The following ANO3 variants were observed in gnomAD, a reference collection of about 807,000 sequenced individuals.
ANO3 encodes the protein anoctamin 3.
Under a neutral mutation model 144.8 loss-of-function variants are expected in ANO3, and 99 were observed. The ratio of observed to expected loss-of-function variants is 0.68; its 90% confidence interval spans 0.58 to 0.81. The LOEUF (loss-of-function observed/expected upper bound fraction) is 0.81. Among genes scored for constraint, ANO3 ranks in the 30% least tolerant of loss-of-function variants. The pLI is 0.00. For synonymous variants in ANO3, 414 were observed against 392.6 expected (o/e 1.05, Z -0.64); for missense variants, 905 against 1,202.2 (o/e 0.75, Z 3.66).
At chr11:26,468,028 A>C (rs1859660781) in intron 4 of ANO3, among the ~76,000 whole-genome samples, 1 of 151,912 alleles carries the variant, frequency 6.6e-6, no homozygotes, top group Admixed American at 6.6e-5. Context: ...ACAACATTTG[A>C]AGATAATGAG....
At chr11:26,497,446 T>C (rs953954305) in intron 4 of ANO3, among the ~76,000 whole-genome samples, 2 of 152,138 alleles carry the variant, frequency 1.3e-5, no homozygotes, top group Non-Finnish European at 2.9e-5. Flanking sequence ...GAGGTTGTAC[T>C]AATTTACATT....
chr11:26,224,175 A>C (rs1378159434), intron 1 of ANO3, among the ~76,000 whole-genome samples: 1 of 151,994 alleles, frequency 6.6e-6, no homozygotes, highest in African/African-American at 2.4e-5. Flanking sequence ...TCCTCTCGGT[A>C]ACCAAGGATG....
chr11:26,517,744 T>C (rs1031368615), intron 6 of ANO3, among the ~76,000 whole-genome samples: 1 of 152,010 alleles, frequency 6.6e-6, no homozygotes, highest in Non-Finnish European at 1.5e-5. Flanking sequence ...TTCTCAGACC[T>C]GCTAGCATAA....
chr11:26,372,182 A>T (rs1281825785), intron 1 of ANO3, among the ~76,000 whole-genome samples: 1 of 152,160 alleles, frequency 6.6e-6, no homozygotes, highest in Non-Finnish European at 1.5e-5. Flanking sequence ...ATAGTCAATT[A>T]TCATGGGATC....
chr11:26,422,760 T>A (rs1321724984), intron 1 of ANO3, among the ~76,000 whole-genome samples: 1 of 151,894 alleles, frequency 6.6e-6, no homozygotes, highest in Non-Finnish European at 1.5e-5. Context: ...AAACTGAATA[T>A]GCTGTGGGGG....
chr11:26,453,503 AG>A (rs1431074298), intron 3 of ANO3, among the ~76,000 whole-genome samples: 5 of 152,202 alleles, frequency 3.3e-5, no homozygotes, highest in Admixed American at 3.3e-4. Context: ...ATAATGGTAA[AG>A]AGATCAATTC....
intron 4 of ANO3, among the ~76,000 whole-genome samples, chr11:26,494,698 CTTTG>C (rs1860855176): frequency 6.6e-6 from 1 of 152,232 alleles, no homozygotes; most frequent in Middle Eastern, 3.4e-3. Context: ...CCAAGGGGAG[CTTTG>C]TTTGCAAAAA....
At chr11:26,457,184 C>T (rs1244348379) in intron 3 of ANO3, among the ~76,000 whole-genome samples, 1 of 150,958 alleles carries the variant, frequency 6.6e-6, no homozygotes, top group Non-Finnish European at 1.5e-5. Context: ...GTGTAACTTA[C>T]CTGCACATTG....
At chr11:26,307,890 C>CGG (rs2133868224), upstream of ANO3, among the ~76,000 whole-genome samples, 2 of 152,118 alleles carry the variant, frequency 1.3e-5, no homozygotes, top group Non-Finnish European at 2.9e-5. Flanking sequence ...ACAGGCTTCT[C>CGG]TAACCCCATT....
chr11:26,308,252 T>C (rs939539054), upstream of ANO3, among the ~76,000 whole-genome samples: 31 of 152,316 alleles, frequency 2.0e-4, no homozygotes, highest in Admixed American at 8.5e-4. Context: ...GATGCACATC[T>C]CCTAATAATT....
chr11:26,212,676 C>G, intron 1 of ANO3, among the ~76,000 whole-genome samples: 1 of 151,956 alleles, frequency 6.6e-6, no homozygotes, highest in Non-Finnish European at 1.5e-5. Flanking sequence ...CAGGACCAGA[C>G]AGATTGACAG....
chr11:26,532,386 C>T lies in ANO3; in HGVS notation c.869+1050C>T, dbSNP rs532383267. Among the ~76,000 whole-genome samples, 13 of 152,110 alleles carry T rather than the reference C, an allele frequency of 8.5e-5. No individual in the cohort carries two copies. The East Asian group carries it at 2.5e-3, about 29-fold the overall frequency. ...GGACCTTTAAGGATCTGTGATACAC[C>T]AAATGAAAAACATTCTACTCTTTTT... On this transcript the variant is annotated intron_variant, in intron 8 of 26. Transcript: ENST00000256737.
intron 8 of ANO3, among the ~76,000 whole-genome samples, chr11:26,531,874 C>G (rs765789368): frequency 3.3e-5 from 5 of 152,120 alleles, no homozygotes; most frequent in Admixed American, 6.6e-5. Flanking sequence ...TGTTTTCATT[C>G]AACTAGTATT....
chr11:26,417,222 T>A (rs979178413), intron 1 of ANO3, among the ~76,000 whole-genome samples: 2 of 152,140 alleles, frequency 1.3e-5, no homozygotes, highest in African/African-American at 2.4e-5. Flanking sequence ...ACTACATCTA[T>A]AACCTCTATA....
In ANO3 at chr11:26,494,143, T is replaced by G. The variant is rs77838482; in HGVS notation, c.433-13961T>G. Among the ~76,000 whole-genome samples, 32 of 151,900 alleles carry G rather than the reference T, an allele frequency of 2.1e-4. 1 individual carries two copies. In the East Asian group the frequency reaches 6.2e-3, roughly 29 times the overall value. On this transcript the variant is annotated intron_variant, in intron 4 of 26. Coordinates refer to ENST00000256737, the MANE Select transcript of ANO3 (RefSeq NM_031418.4). ...GTCTATTTTTGCAGAAATAGTATAATCTAAAGAAACAATATTAAAGAGGTG... is the reference window on the plus strand; with the variant it reads ...GTCTATTTTTGCAGAAATAGTATAAGCTAAAGAAACAATATTAAAGAGGTG...
intron 4 of ANO3, among the ~76,000 whole-genome samples, chr11:26,506,628 T>A (rs1030061864): frequency 1.3e-5 from 2 of 152,218 alleles, no homozygotes; most frequent in Non-Finnish European, 2.9e-5. Flanking sequence ...CTCAGAGCTT[T>A]TTTATTCATT....
At chr11:26,580,549 TC>T (rs2132855901) in intron 14 of ANO3, among the ~76,000 whole-genome samples, 1 of 152,288 alleles carries the variant, frequency 6.6e-6, no homozygotes, top group Admixed American at 6.5e-5. Context: ...AACATACCAC[TC>T]CTGAATAGAG....
chr11:26,299,541 C>T (rs559127558), intron 1 of ANO3, among the ~76,000 whole-genome samples: 62 of 148,818 alleles, frequency 4.2e-4, no homozygotes, highest in African/African-American at 1.5e-3. Context: ...GAGAGATTGC[C>T]TTTTTTTTTT....
chr11:26,444,186 G>A (rs111634658), intron 3 of ANO3, among the ~76,000 whole-genome samples: 1 of 152,092 alleles, frequency 6.6e-6, no homozygotes, highest in African/African-American at 2.4e-5. Context: ...TTCTATCCTG[G>A]CCCATCATTA....
Sources: allele counts gnomAD v4.1 joint callset (sites outside exome capture counted in the v4.1 genomes callset), GRCh38; gene constraint gnomAD v4.1.1; transcripts MANE v1.5; gene names NCBI Gene and HGNC (gene_info 2026-07-23, HGNC 2026-07-21).